The following EPHB2 variants were observed in gnomAD, a reference collection of about 807,000 sequenced individuals.
EPHB2 encodes the protein EPH receptor B2, also known as ephrin type-B receptor 2.
A neutral mutation model predicts 96.4 loss-of-function variants in EPHB2; 18 were observed. The ratio of observed to expected loss-of-function variants is 0.19; its 90% confidence interval spans 0.13 to 0.28. The LOEUF is 0.28. Ranked by LOEUF, EPHB2 falls within the 10% of genes least tolerant of loss-of-function variation. The pLI, the probability that EPHB2 is intolerant of heterozygous loss-of-function variation, is 1.00. For synonymous variants in EPHB2, 506 were observed against 534.1 expected, an observed-to-expected ratio of 0.95 and a Z score of 0.72; for missense variants, 989 against 1,355.4, an observed-to-expected ratio of 0.73 and a Z score of 4.25.
chr1:22,882,281 C>T (rs1639072667), intron 5 of EPHB2, 78 bp from the exon 6 acceptor site: 4 of 1,595,138 alleles, frequency 2.5e-6, no homozygotes, highest in South Asian at 1.1e-5. Context: ...CCCCACCTGT[C>T]CGAGTACCTC....
chr1:22,759,526 C>T (rs1268772888), intron 1 of EPHB2, among the ~76,000 whole-genome samples: 4 of 152,098 alleles, frequency 2.6e-5, no homozygotes, highest in African/African-American at 9.7e-5. Flanking sequence ...TGCAGTAGGC[C>T]CTCAGGGAGG....
chr1:22,737,491 G>T (rs951978239), intron 1 of EPHB2, among the ~76,000 whole-genome samples: 1 of 152,166 alleles, frequency 6.6e-6, no homozygotes, highest in Non-Finnish European at 1.5e-5. Flanking sequence ...CCAGATCTTT[G>T]TTCAGGCCCC....
intron 3 of EPHB2, among the ~76,000 whole-genome samples, chr1:22,859,554 G>C (rs946645815): frequency 2.0e-5 from 3 of 152,276 alleles, no homozygotes; most frequent in Middle Eastern, 3.4e-3. Context: ...CCAGCACTTT[G>C]GGAGCCAAGG....
intron 3 of EPHB2, among the ~76,000 whole-genome samples, chr1:22,811,532 G>A (rs533292305): frequency 3.0e-4 from 45 of 152,288 alleles, no homozygotes; most frequent in African/African-American, 1.0e-3. Context: ...TGGGCACTGG[G>A]GATGGAGGGC....
At chr1:22,822,685 G>T (rs1645168512) in intron 3 of EPHB2, among the ~76,000 whole-genome samples, 1 of 152,238 alleles carries the variant, frequency 6.6e-6, no homozygotes. Flanking sequence ...TTGGCCAAAG[G>T]GACCAGTCCT....
At chr1:22,830,486 T>C (rs1382430699) in intron 3 of EPHB2, among the ~76,000 whole-genome samples, 1 of 152,198 alleles carries the variant, frequency 6.6e-6, no homozygotes, top group East Asian at 1.9e-4. Flanking sequence ...ATGTAGGAAC[T>C]AACAGCAGAA....
In EPHB2 at chr1:22,853,167, A is replaced by G. The variant is rs187103992; in HGVS notation, c.812-9870A>G. Among the ~76,000 whole-genome samples, 399 of 152,320 alleles carry G rather than the reference A, an allele frequency of 2.6e-3. 3 individuals carry two copies. The highest frequency in any genetic ancestry group is 6.8e-3 in the Admixed American group (104 of 15,308). ...AGATCGAAACCATCCTGGCTAACAC[A>G]GTGAAATCCCGTCTCTACTAAAAAT... On this transcript the variant is annotated intron_variant, in intron 3 of 15. Transcript: ENST00000374630.
chr1:22,801,990 C>T (rs1485242093), intron 3 of EPHB2, among the ~76,000 whole-genome samples: 5 of 152,216 alleles, frequency 3.3e-5, no homozygotes, highest in Admixed American at 6.5e-5. Flanking sequence ...GCAAGCAGCG[C>T]GGGGCCTGCT....
At chr1:22,728,973 G>T (rs774260708) in intron 1 of EPHB2, among the ~76,000 whole-genome samples, 2 of 151,662 alleles carry the variant, frequency 1.3e-5, no homozygotes, top group Admixed American at 1.3e-4. Context: ...TGCACGCGGC[G>T]GGCCAGGCTG....
At chr1:22,725,877 G>GA (rs1158811035) in intron 1 of EPHB2, among the ~76,000 whole-genome samples, 1 of 152,180 alleles carries the variant, frequency 6.6e-6, no homozygotes, top group African/African-American at 2.4e-5. Flanking sequence ...GAGCCAGGGG[G>GA]AGATGCAACA....
At chr1:22,844,397 G>A (rs1033990949) in intron 3 of EPHB2, among the ~76,000 whole-genome samples, 2 of 152,260 alleles carry the variant, frequency 1.3e-5, no homozygotes, top group African/African-American at 2.4e-5. Context: ...TGCTGCTGCT[G>A]TCTCTGCAGG....
At chr1:22,863,388 T>A (rs919884641) in intron 4 of EPHB2, among the ~76,000 whole-genome samples, 196 bp downstream of exon 4, 8 of 152,238 alleles carry the variant, frequency 5.3e-5, no homozygotes, top group African/African-American at 1.9e-4. Flanking sequence ...AGTGCTGGCA[T>A]CTGGCTCCTT....
At chr1:22,862,761 C>G (rs1388847701) in intron 3 of EPHB2, among the ~76,000 whole-genome samples, 1 of 152,152 alleles carries the variant, frequency 6.6e-6, no homozygotes, top group Non-Finnish European at 1.5e-5. Context: ...AGGATTGATT[C>G]TAGAGACCAT....
intron 3 of EPHB2, among the ~76,000 whole-genome samples, chr1:22,804,981 C>T (rs1331310368): frequency 6.6e-6 from 1 of 152,096 alleles, no homozygotes; most frequent in Non-Finnish European, 1.5e-5. Context: ...AAATTGTGGG[C>T]TAGAGAGTGA....
At chr1:22,748,932 C>T (rs1644018657) in intron 1 of EPHB2, among the ~76,000 whole-genome samples, 1 of 150,550 alleles carries the variant, frequency 6.6e-6, no homozygotes, top group African/African-American at 2.4e-5. Context: ...TTTATGAAAA[C>T]CAACAAGGTA....
intron 3 of EPHB2, among the ~76,000 whole-genome samples, chr1:22,788,559 G>A (rs1318567717): frequency 6.6e-6 from 1 of 152,154 alleles, no homozygotes; most frequent in Non-Finnish European, 1.5e-5. Context: ...AGTAACATTG[G>A]CCAAGTGCTT....
intron 3 of EPHB2, chr1:22,836,799 T>A (rs970066527): frequency 2.0e-5 from 3 of 152,320 alleles, no homozygotes; most frequent in African/African-American, 7.2e-5. Flanking sequence ...TTCTGTCCAA[T>A]GGACAAAGCT....
chr1:22,805,119 C>T (rs1644905564), intron 3 of EPHB2, among the ~76,000 whole-genome samples: 1 of 151,848 alleles, frequency 6.6e-6, no homozygotes, highest in Admixed American at 6.6e-5. Context: ...CCACCACCTC[C>T]CAGGGCTGGC....
In EPHB2 at chr1:22,712,073, C is replaced by A. The variant is rs72879152; in HGVS notation, c.61+1030C>A. Among the ~76,000 whole-genome samples, 1,183 of 152,342 alleles carry A rather than the reference C, an allele frequency of 7.8e-3. 17 individuals carry two copies. Among genetic ancestry groups the A allele is most frequent in the African/African-American group, 0.026 (1,076 of 41,572 alleles). On this transcript the variant is annotated intron_variant, in intron 1 of 15. Transcript: ENST00000374630. ...ATGAAGTACTTCGCACTATACGCAG[C>A]TCTCTGTGGTTTACAACGTGCTGCA... is the stretch of plus-strand genomic sequence containing the variant.
Sources: gnomAD v4.1 joint callset for allele counts (sites outside exome capture counted in the v4.1 genomes callset) on GRCh38, gnomAD v4.1.1 for gene constraint, MANE v1.5 for transcripts, NCBI Gene and HGNC (gene_info 2026-07-23, HGNC 2026-07-21) for gene names.